The following GEN1 variants were observed in gnomAD, a reference collection of about 807,000 sequenced individuals.
GEN1 encodes the protein flap endonuclease GEN homolog 1.
Under a neutral mutation model 67.6 loss-of-function variants are expected in GEN1, and 64 were observed. The observed-to-expected ratio is 0.95, with a 90% confidence interval of 0.77 to 1.17. The LOEUF is 1.17. Ranked by LOEUF, GEN1 falls within the 50% of genes most tolerant of loss-of-function variation. The pLI is 0.00. For missense variants in GEN1, 1,058 were observed against 1,048.3 expected (o/e 1.01, Z -0.13); for synonymous variants, 371 against 359.4 (o/e 1.03, Z -0.37).
chr2:17,769,225 CAT>C (rs892410762), intron 6 of GEN1, among the ~76,000 whole-genome samples: 4 of 151,072 alleles, frequency 2.6e-5, no homozygotes, highest in African/African-American at 4.8e-5. Flanking sequence ...TTATATTAAA[CAT>C]GTTAATATAT....
At chr2:17,777,952 T>G (rs763398346) in intron 11 of GEN1, 50 bp from the exon 12 acceptor site, 3 of 1,083,216 alleles carry the variant, frequency 2.8e-6, no homozygotes, top group East Asian at 2.4e-5. Flanking sequence ...AATGGAAAAT[T>G]TCCAAATATC....
Position 17,768,874 on chromosome 2 carries a change from A to G in GEN1, c.710+63A>G. The G allele has an allele frequency of 7.0e-6, 7 of 1,000,616 alleles. No individual in the cohort carries two copies. The South Asian group carries it at 8.5e-5, about 12-fold the overall frequency. The allele number at this position is 1,000,616 out of a possible 1,614,324, so 62.0% of individuals were successfully genotyped here. A position where few individuals can be genotyped will look rare whatever the true frequency, so the allele number is the denominator to read the frequency against. ...TTATTCTTGCTGAACTTAATAACGA[A>G]TAGTACAGGAAACAATTGTTTTCCA... On this transcript the variant is annotated intron_variant, in intron 6 of 13. Transcript: ENST00000381254.
At position 17,774,283 on chromosome 2, in the gene GEN1, GA is replaced by G; in HGVS notation, c.1090del (p.Met364TrpfsTer16). 6 of 1,558,406 alleles carry G rather than the reference GA, an allele frequency of 3.9e-6. No homozygotes were observed. Among genetic ancestry groups the G allele is most frequent in the East Asian group, 2.3e-5 (1 of 43,996 alleles). On this transcript the variant is annotated frameshift_variant, in exon 11 of 14. Coordinates refer to ENST00000381254, the MANE Select transcript of GEN1 (RefSeq NM_001130009.3). LOFTEE classifies it high-confidence loss of function. Reference sequence around the variant, plus strand: ...ATTATATTTATAGAGATTTACTCTTGAAAAAATGGAGTGGCCCAATCACTAT... The same window carrying G: ...ATTATATTTATAGAGATTTACTCTTGAAAAATGGAGTGGCCCAATCACTAT... ...DLLLFQRFTL[E>X]KMEWPNHYAC...
chr2:17,774,356 A>G lies in GEN1; in HGVS notation c.1157A>G (p.Glu386Gly). 1.2e-6 allele frequency: 2 copies of G among 1,606,404 alleles called. No homozygotes were observed. The highest frequency in any genetic ancestry group is 1.7e-6 in the Non-Finnish European group (2 of 1,174,994). The change falls in exon 11 of 14, where the codon GAA becomes GGA. Residue 386 changes from glutamate (E) to glycine (G), a missense_variant. By Grantham distance (98) the Glu-to-Gly change is moderately conservative. Transcript: ENST00000381254. ...LVLLTHYDMI[E>G]RKLGSRNSNQ... ...CTTTTGACCCATTATGACATGATAG[A>G]AAGAAAGCTTGGTAGCAGAAACTCT...
chr2:17,759,311 C>T (rs1354534612), intron 1 of GEN1, among the ~76,000 whole-genome samples: 2 of 152,158 alleles, frequency 1.3e-5, no homozygotes, highest in African/African-American at 4.8e-5. Context: ...AAGTTTAAGC[C>T]AATTTTGTTT....
At chr2:17,768,516 A>G (rs112958581) in intron 5 of GEN1, among the ~76,000 whole-genome samples, 25 of 152,352 alleles carry the variant, frequency 1.6e-4, no homozygotes, top group African/African-American at 5.8e-4. Context: ...TTTTGTTTAC[A>G]TAGATAACAG....
At chr2:17,756,087 T>C (rs1239519121) in intron 1 of GEN1, among the ~76,000 whole-genome samples, 2 of 152,218 alleles carry the variant, frequency 1.3e-5, no homozygotes, top group Non-Finnish European at 2.9e-5. Context: ...TATTAAATAC[T>C]AGATTACAGA....
At chr2:17,776,325 A>G (rs987324016) in intron 11 of GEN1, among the ~76,000 whole-genome samples, 3 of 152,178 alleles carry the variant, frequency 2.0e-5, no homozygotes, top group African/African-American at 7.2e-5. Flanking sequence ...TTTTTAAGTC[A>G]TAAAGGACCT....
At chr2:17,763,559 G>A (rs565391380) in intron 3 of GEN1, among the ~76,000 whole-genome samples, 30 of 152,134 alleles carry the variant, frequency 2.0e-4, no homozygotes, top group East Asian at 1.2e-3. Flanking sequence ...TTAGGTATTC[G>A]CATGAAAAGC....
chr2:17,771,361 C>A, intron 7 of GEN1, 74 bp downstream of exon 7: 3 of 867,312 alleles, frequency 3.5e-6, no homozygotes, highest in African/African-American at 3.3e-5. Flanking sequence ...GTACTTTTTA[C>A]ATGCCAATAT....
Position 17,781,148 on chromosome 2 carries a change from G to C in GEN1, c.1936G>C (p.Val646Leu), listed in dbSNP as rs779701750. The C allele has an allele frequency of 6.2e-7, 1 of 1,613,950 alleles. No homozygotes were observed. Residue 646 changes from valine to leucine, a missense_variant, in exon 14 of 14, where the codon GTG becomes CTG. By Grantham distance (32) the Val-to-Leu change is conservative (BLOSUM62 1). Transcript: ENST00000381254. ...SERYTANIKK[V>L]LDEDSDGISP... ...AAGGTACACTGCAAACATAAAGAAA[G>C]TGTTGGATGAGGATTCTGATGGGAT...
Position 17,755,252 on chromosome 2 carries a change from G to T in GEN1, c.-16+907G>T, listed in dbSNP as rs180857017. ...GGAGGTCCCTACTTACATGTCACTT[G>T]CTTCAGGAACCGTTCCTTGATTCCT... On this transcript the variant is annotated intron_variant, in intron 1 of 13. Transcript: ENST00000381254. The T allele has an allele frequency of 4.6e-5, 7 of 152,304 alleles. No individual in the cohort carries two copies. The East Asian group carries it at 9.6e-4, about 21-fold the overall frequency. 9.4% of individuals were successfully genotyped at this position (152,304 alleles called of 1,614,324 possible).
intron 5 of GEN1, 61 bp downstream of exon 5, chr2:17,766,750 T>C: frequency 1.2e-6 from 1 of 844,314 alleles, no homozygotes; most frequent in Non-Finnish European, 2.0e-6. Flanking sequence ...CTTTATGTGC[T>C]GTATAAATAT....
intron 5 of GEN1, among the ~76,000 whole-genome samples, chr2:17,767,901 G>A (rs951021163): frequency 3.3e-5 from 5 of 152,148 alleles, no homozygotes; most frequent in African/African-American, 7.2e-5. Flanking sequence ...ATCTAATAAC[G>A]TGTATGCCAA....
intron 2 of GEN1, 55 bp downstream of exon 2, chr2:17,760,159 C>T (rs972865103): frequency 2.8e-6 from 4 of 1,448,512 alleles, no homozygotes; most frequent in East Asian, 2.4e-5. Context: ...GTCTTGGTAT[C>T]TTGATTTTGT....
chr2:17,774,210 A>T, intron 10 of GEN1, 61 bp from the exon 11 acceptor site: 1 of 871,256 alleles, frequency 1.1e-6, no homozygotes, highest in Non-Finnish European at 1.7e-6. Flanking sequence ...AATATCACCT[A>T]GGAGTGCTAT....
intron 1 of GEN1, among the ~76,000 whole-genome samples, chr2:17,757,886 A>G (rs1462246059): frequency 1.3e-5 from 2 of 152,240 alleles, no homozygotes; most frequent in Non-Finnish European, 2.9e-5. Context: ...TTGAAAAGTA[A>G]TACAGGCATA....
chr2:17,765,200 A>G, intron 4 of GEN1, 127 bp downstream of exon 4: 4 of 782,550 alleles, frequency 5.1e-6, no homozygotes, highest in Non-Finnish European at 8.1e-6. Context: ...GCTAATTAAA[A>G]TGCTTACTGT....
chr2:17,782,600 G>T lies in GEN1; in HGVS notation c.*661G>T, dbSNP rs1206172868. ...AGTAAAAATCATGCTCGTAATGGCT[G>T]AATAAACTGAGCAAAGTAACTCCTT... On this transcript the variant is annotated 3_prime_UTR_variant, in exon 14 of 14. Transcript: ENST00000381254. 1 of 152,148 alleles carries T rather than the reference G, an allele frequency of 6.6e-6. No individual in the cohort carries two copies. The highest frequency in any genetic ancestry group is 2.4e-5 in the African/African-American group (1 of 41,424). The allele number at this position is 152,148 out of a possible 1,614,324, so 9.4% of individuals were successfully genotyped here.
Sources: gnomAD v4.1 joint callset for allele counts (sites outside exome capture counted in the v4.1 genomes callset) on GRCh38, gnomAD v4.1.1 for gene constraint, MANE v1.5 for transcripts, NCBI Gene and HGNC (gene_info 2026-07-23, HGNC 2026-07-21) for gene names.